VPS13B: variants seen among roughly 807,000 people sequenced by gnomAD.
VPS13B encodes the protein intermembrane lipid transfer protein VPS13B.
In VPS13B, 285 loss-of-function variants were observed where a neutral mutation model predicts 426.4. The ratio of observed to expected loss-of-function variants is 0.67; its 90% confidence interval spans 0.61 to 0.74. VPS13B has a LOEUF of 0.74. VPS13B is among the 30% of genes least tolerant of loss of function. The pLI, the probability that VPS13B is intolerant of heterozygous loss-of-function variation, is 0.00. For missense variants in VPS13B, 4,537 were observed against 4,782.6 expected, an observed-to-expected ratio of 0.95 and a Z score of 1.51; for synonymous variants, 1,676 against 1,676.4, an observed-to-expected ratio of 1.00 and a Z score of 0.01.
intron 21 of VPS13B, among the ~76,000 whole-genome samples, chr8:99,430,280 T>C (rs73287875): frequency 0.025 from 3,780 of 152,242 alleles, 131 homozygotes; most frequent in African/African-American, 0.081. Context: ...TGAGTGGATA[T>C]GGCAACTAGT....
intron 44 of VPS13B, among the ~76,000 whole-genome samples, chr8:99,813,060 G>A (rs1055797555): frequency 5.3e-5 from 8 of 152,068 alleles, no homozygotes; most frequent in African/African-American, 1.9e-4. Context: ...CAAAATAAAG[G>A]CATTGTAAGT....
At chr8:99,149,498 A>G (rs1810937185) in intron 14 of VPS13B, among the ~76,000 whole-genome samples, 1 of 152,120 alleles carries the variant, frequency 6.6e-6, no homozygotes, top group South Asian at 2.1e-4. Context: ...TTGTATTTTT[A>G]GTAGAGACAG....
At chr8:99,278,692 C>A (rs1388766925) in intron 19 of VPS13B, among the ~76,000 whole-genome samples, 27 of 152,186 alleles carry the variant, frequency 1.8e-4, no homozygotes, top group Admixed American at 1.8e-3. Flanking sequence ...AACACTGTAT[C>A]CTTCAGTCTT....
At chr8:99,812,475 A>G (rs1185538035) in intron 44 of VPS13B, among the ~76,000 whole-genome samples, 1 of 152,188 alleles carries the variant, frequency 6.6e-6, no homozygotes, top group Non-Finnish European at 1.5e-5. Context: ...AGGTGAGTAT[A>G]TGCAGATCCC....
chr8:99,625,678 A>G (rs1828580622), intron 33 of VPS13B, among the ~76,000 whole-genome samples: 1 of 151,864 alleles, frequency 6.6e-6, no homozygotes, highest in Non-Finnish European at 1.5e-5. Context: ...ACATAATGAA[A>G]CCCTGTCTCT....
In VPS13B at chr8:99,875,807, A is replaced by G; in HGVS notation, c.*141A>G. On this transcript the variant is annotated 3_prime_UTR_variant, in exon 62 of 62. Coordinates refer to ENST00000357162, the MANE Select transcript of VPS13B (RefSeq NM_152564.5). ...CCACCTCAACCCACAAGTAGCTACGACTGCAAGCACCTGCCACCATAAAGG... is the reference window on the plus strand; with the variant it reads ...CCACCTCAACCCACAAGTAGCTACGGCTGCAAGCACCTGCCACCATAAAGG... The G allele has an allele frequency of 1.8e-6, 2 of 1,106,996 alleles. No individual in the cohort carries two copies. Among genetic ancestry groups the G allele is most frequent in the South Asian group, 2.7e-5 (2 of 73,072 alleles). 68.6% of individuals were successfully genotyped at this position (1,106,996 alleles called of 1,614,324 possible).
At chr8:99,418,455 T>TTTCC (rs1377541394) in intron 21 of VPS13B, among the ~76,000 whole-genome samples, 1 of 122,668 alleles carries the variant, frequency 8.2e-6, no homozygotes, top group Non-Finnish European at 1.7e-5. Context: ...TTTATCATAG[T>TTTCC]TTTCTTTCTT....
In VPS13B at chr8:99,642,385, T is replaced by C. The variant is rs762119231; in HGVS notation, c.5795T>C (p.Phe1932Ser). The change falls in exon 34 of 62, where the codon TTT becomes TCT. Residue 1932 changes from phenylalanine (F) to serine (S), a missense_variant. By Grantham distance (155) the Phe-to-Ser change is radical (BLOSUM62 -2). This residue lies in a region of VPS13B where 4,311 missense variants were observed against 4,474.3 expected (regional missense o/e 0.96). Coordinates refer to ENST00000357162, the MANE Select transcript of VPS13B (RefSeq NM_152564.5). ...GDLQLEPFLY[F>S]IVSQPSLLLS... is the part of the protein sequence containing the mutation. ...TTACAGCTAGAGCCTTTTCTGTACTTTATTGTGTCCCAGCCTTCCTTGCTT... is the reference window on the plus strand; with the variant it reads ...TTACAGCTAGAGCCTTTTCTGTACTCTATTGTGTCCCAGCCTTCCTTGCTT... 6.2e-7 allele frequency: 1 copy of C among 1,614,118 alleles called. No homozygotes were observed. The highest frequency in any genetic ancestry group is 1.1e-5 in the South Asian group (1 of 91,076).
intron 25 of VPS13B, among the ~76,000 whole-genome samples, chr8:99,493,766 A>G (rs1244153869): frequency 6.8e-6 from 1 of 146,600 alleles, no homozygotes; most frequent in Admixed American, 6.9e-5. Context: ...TGGGCGACAG[A>G]GCAAGACTCT....
intron 21 of VPS13B, among the ~76,000 whole-genome samples, chr8:99,428,340 G>A (rs1816855203): frequency 6.6e-6 from 1 of 152,104 alleles, no homozygotes; most frequent in Non-Finnish European, 1.5e-5. Context: ...TACCATCAGA[G>A]TGAACAGGCA....
chr8:99,816,092 TTCTC>T (rs570168760), intron 44 of VPS13B, among the ~76,000 whole-genome samples: 289 of 151,428 alleles, frequency 1.9e-3, no homozygotes, highest in Admixed American at 3.5e-3. Context: ...CCCATTTGTT[TTCTC>T]TCTCTCTCTC....
chr8:99,850,643 C>CA, intron 55 of VPS13B, among the ~76,000 whole-genome samples: 1 of 152,198 alleles, frequency 6.6e-6, no homozygotes, highest in African/African-American at 2.4e-5. Context: ...AAGCTCATTG[C>CA]AGCCAGGTGT....
chr8:99,867,017 G>T (rs911765888), intron 58 of VPS13B, among the ~76,000 whole-genome samples: 1 of 152,160 alleles, frequency 6.6e-6, no homozygotes, highest in African/African-American at 2.4e-5. Context: ...GTTGCCTCAG[G>T]TCATTCTGAA....
intron 16 of VPS13B, 51 bp from the exon 17 acceptor site, chr8:99,192,825 G>T (rs966384730): frequency 6.3e-7 from 1 of 1,594,078 alleles, no homozygotes; most frequent in South Asian, 1.1e-5. Flanking sequence ...GTATTTTGTT[G>T]TCTGTAAATG....
chr8:99,374,949 G>A (rs1813403347), intron 19 of VPS13B, among the ~76,000 whole-genome samples: 1 of 152,064 alleles, frequency 6.6e-6, no homozygotes, highest in South Asian at 2.1e-4. Flanking sequence ...TGCCCTTCCT[G>A]GTACTCAGTT....
rs1816427025 is a variant in VPS13B at position 99,854,027 on chromosome 8, G to C, written c.10638G>C (p.Gln3546His). ...LSGGKQVLPMQVTQHARALVN... is the reference protein window; with the variant it reads ...LSGGKQVLPMHVTQHARALVN... ...GGGGTAAACAGGTGTTGCCCATGCA[G>C]GTCACACAGCACGCCAGGGCCTTGG... Residue 3546 changes from glutamine to histidine, a missense_variant, in exon 56 of 62, where the codon CAG (glutamine) becomes CAC (histidine). Gln to His is a conservative substitution (Grantham distance 24). This residue lies in a region of VPS13B where 4,311 missense variants were observed against 4,474.3 expected (regional missense o/e 0.96). Transcript: ENST00000357162. 6.2e-7 allele frequency: 1 copy of C among 1,614,224 alleles called. No homozygotes were observed. Among genetic ancestry groups the C allele is most frequent in the Non-Finnish European group, 8.5e-7 (1 of 1,180,046 alleles).
intron 17 of VPS13B, among the ~76,000 whole-genome samples, chr8:99,218,248 G>A (rs1414901490): frequency 6.6e-6 from 1 of 152,158 alleles, no homozygotes; most frequent in Non-Finnish European, 1.5e-5. Flanking sequence ...GGAGGAAGAA[G>A]AAGAAATGTG....
rs566454993 is a variant in VPS13B, at chr8:99,717,099, T to TA, written c.6455-71dup. On this transcript the variant is annotated intron_variant, in intron 36 of 61. Coordinates refer to ENST00000357162, the MANE Select transcript of VPS13B (RefSeq NM_152564.5). ...AGGATGAATTAATACTCTTCAAAAA[T>TA]ATAGATAGTTCTTTCCCAAACATTT... The TA allele has an allele frequency of 1.2e-4, 173 of 1,414,720 alleles. No homozygotes were observed. The African/African-American group carries it at 2.4e-3, about 19-fold the overall frequency. 87.6% of individuals were successfully genotyped at this position (1,414,720 alleles called of 1,614,324 possible).
chr8:99,707,922 G>T lies in VPS13B; in HGVS notation c.6454+7990G>T, dbSNP rs565405732. ...ATGTAGATCAAGACCATTTTCTAAG[G>T]CACTGCAGTAAATTACTTAGCAAGT... On this transcript the variant is annotated intron_variant, in intron 36 of 61. Transcript: ENST00000357162. 5.3e-5 allele frequency among the ~76,000 whole-genome samples: 8 copies of T among 152,154 alleles called. No individual in the cohort carries two copies. The South Asian group carries it at 1.0e-3, about 20-fold the overall frequency.
Sources: gnomAD v4.1 joint callset for allele counts (sites outside exome capture counted in the v4.1 genomes callset) on GRCh38, gnomAD v4.1.1 for gene constraint, gnomAD v4.1.1 regional missense constraint, MANE v1.5 for transcripts, NCBI Gene and HGNC (gene_info 2026-07-23, HGNC 2026-07-21) for gene names.